Variants in ADGRE2 observed in about 807,000 individuals in gnomAD.
ADGRE2 encodes the protein adhesion G protein-coupled receptor E2.
In ADGRE2, 83 loss-of-function variants were observed where a neutral mutation model predicts 100.8. That is an observed-to-expected ratio of 0.82 (90% CI 0.69 to 0.99). The LOEUF is 0.99. Ranked by LOEUF, ADGRE2 falls within the 50% of genes least tolerant of loss-of-function variation. The pLI is 0.00. For synonymous variants in ADGRE2, 355 were observed against 413.0 expected, an observed-to-expected ratio of 0.86 and a Z score of 1.70; for missense variants, 814 against 1,035.7, an observed-to-expected ratio of 0.79 and a Z score of 2.94.
intron 18 of ADGRE2, among the ~76,000 whole-genome samples, chr19:14,744,354 G>C (rs1242655875): frequency 6.6e-6 from 1 of 152,198 alleles, no homozygotes; most frequent in Non-Finnish European, 1.5e-5. Flanking sequence ...ACAAAATTTG[G>C]AAAGGATAAT....
intron 12 of ADGRE2, among the ~76,000 whole-genome samples, 153 bp from the exon 13 acceptor site, chr19:14,756,030 G>A (rs986384348): frequency 6.6e-6 from 1 of 152,118 alleles, no homozygotes; most frequent in African/African-American, 2.4e-5. Context: ...TTAGTTCTAT[G>A]TGTATCACAT....
rs139102333 is a variant in ADGRE2, at chr19:14,752,455, C to T, written c.1662G>A (p.Ala554=). The change falls in exon 15 of 21, where the codon GCG becomes GCA. Residue 554 remains alanine (A), a synonymous_variant. Coordinates refer to ENST00000315576, the MANE Select transcript of ADGRE2 (RefSeq NM_013447.4). The part of the protein sequence containing the change: ...LSVSLLCLLL[A]ALTFLLCKAI... ...CTTTACACAGGAGAAAAGTGAGGGC[C>T]GCCAGGAGGAGGCACAGCAGAGAGA... is the stretch of plus-strand genomic sequence containing the variant. 6.2e-6 allele frequency: 10 copies of T among 1,613,894 alleles called. No individual in the cohort carries two copies. Among genetic ancestry groups the T allele is most frequent in the Middle Eastern group, 1.6e-4 (1 of 6,084 alleles).
intron 12 of ADGRE2, 42 bp downstream of exon 12, chr19:14,756,196 A>AC (rs1246360405): frequency 5.7e-6 from 8 of 1,391,966 alleles, no homozygotes; most frequent in Non-Finnish European, 8.2e-6. Flanking sequence ...ATCTTTTCCC[A>AC]CCATGAAGCT....
At chr19:14,764,633 C>T (rs1209378225) in intron 10 of ADGRE2, 23 bp from the exon 11 acceptor site, 2 of 1,597,342 alleles carry the variant, frequency 1.3e-6, no homozygotes, top group South Asian at 1.1e-5. Context: ...GGACACAGAC[C>T]TAGTGAGCCA....
chr19:14,755,187 A>C (rs2043448190), intron 13 of ADGRE2, 60 bp from the exon 14 acceptor site: 1 of 1,548,938 alleles, frequency 6.5e-7, no homozygotes, highest in Non-Finnish European at 8.8e-7. Context: ...TAATCCCAGC[A>C]CTTTGGGAGG....
Position 14,754,965 on chromosome 19 carries a change from A to G in ADGRE2, c.1579T>C (p.Tyr527His). The G allele has an allele frequency of 6.2e-7, 1 of 1,613,920 alleles. No individual in the cohort carries two copies. The highest frequency in any genetic ancestry group is 8.5e-7 in the Non-Finnish European group (1 of 1,180,014). ...CCTAAGGGTCTCACCTGCACATCGTAGTGGGCCATGAGGACGGCAAAGCTG... is the reference window on the plus strand; with the variant it reads ...CCTAAGGGTCTCACCTGCACATCGTGGTGGGCCATGAGGACGGCAAAGCTG... ...LSSFAVLMAH[Y>H]DVQEEDPVLT... The change falls in exon 14 of 21, where the codon TAC becomes CAC. Residue 527 changes from tyrosine (Y) to histidine (H), a missense_variant. Tyr to His is a moderately conservative substitution (Grantham distance 83). Around this residue, in one of 5 missense-constraint regions of ADGRE2, gnomAD observed 569 missense variants for 692.7 expected, o/e 0.82. Transcript: ENST00000315576.
At chr19:14,748,802 T>C (rs2147192511) in intron 16 of ADGRE2, among the ~76,000 whole-genome samples, 1 of 152,210 alleles carries the variant, frequency 6.6e-6, no homozygotes, top group East Asian at 1.9e-4. Flanking sequence ...AGTGTTACTC[T>C]GACACCAAAC....
In ADGRE2 at chr19:14,735,790, A is replaced by C. The variant is rs2042735469; in HGVS notation, c.*446T>G. 1 of 153,942 alleles carries C rather than the reference A, an allele frequency of 6.5e-6. No individual in the cohort carries two copies. Among genetic ancestry groups the C allele is most frequent in the Non-Finnish European group, 1.4e-5 (1 of 69,306 alleles). 9.5% of individuals were successfully genotyped at this position (153,942 alleles called of 1,614,324 possible). On this transcript the variant is annotated 3_prime_UTR_variant, in exon 21 of 21. Transcript: ENST00000315576. ...AAACCCGTAGAACTAGAGAACAACA[A>C]AAACAAAAACAAAAAATTAAGAAAT...
intron 5 of ADGRE2, 93 bp downstream of exon 5, chr19:14,772,249 C>G: frequency 6.4e-7 from 1 of 1,553,956 alleles, no homozygotes; most frequent in Non-Finnish European, 8.8e-7. Context: ...TGAACCTATA[C>G]TTGGGTACCT....
intron 15 of ADGRE2, 126 bp downstream of exon 15, chr19:14,752,203 G>T: frequency 8.3e-7 from 1 of 1,208,418 alleles, no homozygotes. Context: ...AAAGTGCTGG[G>T]ATTACAGGCA....
At chr19:14,743,203 G>A (rs1362164602) in intron 20 of ADGRE2, among the ~76,000 whole-genome samples, 1 of 152,002 alleles carries the variant, frequency 6.6e-6, no homozygotes, top group Non-Finnish European at 1.5e-5. Context: ...CCTCCCAAAT[G>A]CTGGGATGAC....
intron 16 of ADGRE2, among the ~76,000 whole-genome samples, chr19:14,749,474 T>C (rs2043200602): frequency 7.2e-6 from 1 of 138,378 alleles, no homozygotes; most frequent in Admixed American, 7.4e-5. Context: ...TAATTAGTTA[T>C]GTAATATAAT....
At chr19:14,765,187 T>G (rs2043908935) in intron 10 of ADGRE2, 133 bp downstream of exon 10, 2 of 881,548 alleles carry the variant, frequency 2.3e-6, no homozygotes, top group Middle Eastern at 2.3e-4. Flanking sequence ...CCACCAGCCC[T>G]GAAAGATGCT....
At chr19:14,736,651 C>T (rs1253553274) in intron 20 of ADGRE2, among the ~76,000 whole-genome samples, 1 of 135,138 alleles carries the variant, frequency 7.4e-6, no homozygotes, top group African/African-American at 3.0e-5. Flanking sequence ...TTTAGAAATA[C>T]ATAGATATTT....
At chr19:14,766,034 G>A in intron 7 of ADGRE2, 1 of 1,134,010 alleles carries the variant, frequency 8.8e-7, no homozygotes, top group South Asian at 1.5e-5. Context: ...GCTGTTGCCT[G>A]GGGTCCCCCT....
intron 16 of ADGRE2, among the ~76,000 whole-genome samples, chr19:14,749,378 TATTATTTATAGTTATATAATATA>T (rs1159094273): frequency 3.5e-5 from 5 of 143,204 alleles, no homozygotes; most frequent in Admixed American, 1.4e-4. Flanking sequence ...AATGTGATCA[TATTATTTATAGTTATATAATATA>T]ATTATTTATA....
intron 5 of ADGRE2, among the ~76,000 whole-genome samples, chr19:14,770,926 C>T (rs866613948): frequency 2.6e-5 from 4 of 151,910 alleles, no homozygotes; most frequent in Non-Finnish European, 2.9e-5. Flanking sequence ...GTGATCCACC[C>T]GCCTCAGCCT....
chr19:14,724,494 A>C, the ADGRE2 span, among the ~76,000 whole-genome samples: 3 of 152,194 alleles, frequency 2.0e-5, no homozygotes, highest in South Asian at 6.2e-4. Flanking sequence ...AGCCGGGCGC[A>C]GTGGCTCACA....
chr19:14,743,782 A>G lies in ADGRE2; in HGVS notation c.2186T>C (p.Met729Thr), dbSNP rs1335408649. ...SEVSTLRNTR[M>T]LAFKATAQLF... ...CTGAGCTGTCGCTTTAAATGCCAGC[A>G]TCCTGGATTGAGTAAGAAAGGAGGC... is the stretch of plus-strand genomic sequence containing the variant. Residue 729 changes from methionine to threonine, a missense_variant and splice_region_variant, in exon 19 of 21, where the codon ATG becomes ACG. Met to Thr is a moderately conservative substitution (Grantham distance 81). Around this residue, in one of 5 missense-constraint regions of ADGRE2, gnomAD observed 569 missense variants for 692.7 expected, o/e 0.82. Transcript: ENST00000315576. 6.2e-6 allele frequency: 10 copies of G among 1,613,890 alleles called. No homozygotes were observed. The highest frequency in any genetic ancestry group is 5.3e-5 in the African/African-American group (4 of 74,944).
Sources: allele counts gnomAD v4.1 joint callset (sites outside exome capture counted in the v4.1 genomes callset), GRCh38; gene constraint gnomAD v4.1.1; regional missense constraint gnomAD v4.1.1; transcripts MANE v1.5; gene names NCBI Gene and HGNC (gene_info 2026-07-23, HGNC 2026-07-21).